The following CUBN variants were observed in gnomAD, a reference collection of about 807,000 sequenced individuals.
The protein encoded by CUBN is cubilin.
A neutral mutation model predicts 405.3 loss-of-function variants in CUBN; 282 were observed. The ratio of observed to expected loss-of-function variants is 0.70; its 90% confidence interval spans 0.63 to 0.77. CUBN has a LOEUF of 0.77. Ranked by LOEUF, CUBN falls within the 30% of genes least tolerant of loss-of-function variation. The probability of loss-of-function intolerance (pLI) is 0.00; values close to 1 mark genes in which losing one functional copy is unlikely to be tolerated. For synonymous variants in CUBN, 1,684 were observed against 1,617.0 expected (o/e 1.04, Z -0.99); for missense variants, 4,514 against 4,475.2 (o/e 1.01, Z -0.25).
intron 37 of CUBN, among the ~76,000 whole-genome samples, chr10:16,939,510 G>T (rs1050665218): frequency 4.6e-5 from 7 of 152,094 alleles, no homozygotes; most frequent in African/African-American, 1.7e-4. Flanking sequence ...AAATTTACAA[G>T]AAAAACTGAT....
intron 39 of CUBN, among the ~76,000 whole-genome samples, chr10:16,934,624 T>C (rs1842449918): frequency 1.3e-5 from 2 of 152,204 alleles, no homozygotes; most frequent in South Asian, 4.1e-4. Context: ...TGCCAAATAT[T>C]TCCTTTGTCT....
intron 48 of CUBN, among the ~76,000 whole-genome samples, chr10:16,909,607 G>A (rs1747826924): frequency 6.6e-6 from 1 of 152,236 alleles, no homozygotes; most frequent in Non-Finnish European, 1.5e-5. Flanking sequence ...GTCGGAAACT[G>A]TGATCAATGG....
chr10:17,017,941 G>A (rs1446695456), intron 28 of CUBN, among the ~76,000 whole-genome samples: 3 of 152,130 alleles, frequency 2.0e-5, no homozygotes, highest in Admixed American at 2.0e-4. Flanking sequence ...TGGGTGACAT[G>A]ACTTTGAGAG....
intron 7 of CUBN, among the ~76,000 whole-genome samples, chr10:17,114,991 C>T (rs1023131585): frequency 7.2e-5 from 11 of 152,188 alleles, no homozygotes; most frequent in Non-Finnish European, 1.2e-4. Flanking sequence ...TGCCTGTAAT[C>T]GCAGCGCTTT....
At chr10:16,924,006 G>C (rs1281294777) in intron 43 of CUBN, among the ~76,000 whole-genome samples, 2 of 152,204 alleles carry the variant, frequency 1.3e-5, no homozygotes, top group African/African-American at 4.8e-5. Flanking sequence ...GGGAGGCAGA[G>C]GTTGCAGTAG....
At chr10:16,886,196 G>A (rs188609374) in intron 56 of CUBN, among the ~76,000 whole-genome samples, 54 of 152,246 alleles carry the variant, frequency 3.5e-4, no homozygotes, top group South Asian at 2.9e-3. Context: ...AAACACATGT[G>A]CTGAAAATTA....
chr10:16,890,063 A>T (rs1840957185), intron 55 of CUBN, among the ~76,000 whole-genome samples: 1 of 152,122 alleles, frequency 6.6e-6, no homozygotes, highest in Non-Finnish European at 1.5e-5. Context: ...AAGGTGCCAC[A>T]GGCCAGCCAC....
chr10:17,093,485 G>A (rs1234095346), intron 14 of CUBN, among the ~76,000 whole-genome samples: 2 of 152,094 alleles, frequency 1.3e-5, no homozygotes, highest in Non-Finnish European at 2.9e-5. Context: ...CAGGATTCAT[G>A]GAAAATTTGA....
intron 22 of CUBN, among the ~76,000 whole-genome samples, chr10:17,049,505 G>C (rs1481354932): frequency 6.6e-6 from 1 of 152,030 alleles, no homozygotes; most frequent in African/African-American, 2.4e-5. Flanking sequence ...TGACATTTTG[G>C]GGCAATAATG....
At chr10:17,128,138 C>A (rs986620073) in intron 2 of CUBN, among the ~76,000 whole-genome samples, 2 of 152,186 alleles carry the variant, frequency 1.3e-5, no homozygotes, top group African/African-American at 4.8e-5. Flanking sequence ...AACAATAGAT[C>A]AAGGTATTTT....
chr10:17,057,865 G>A (rs1019407219), intron 22 of CUBN, among the ~76,000 whole-genome samples: 1 of 152,126 alleles, frequency 6.6e-6, no homozygotes, highest in Non-Finnish European at 1.5e-5. Flanking sequence ...GCTCACGCCT[G>A]TAATCCCAGC....
intron 51 of CUBN, among the ~76,000 whole-genome samples, chr10:16,902,701 C>G (rs1841429852): frequency 6.6e-6 from 1 of 152,040 alleles, no homozygotes; most frequent in South Asian, 2.1e-4. Flanking sequence ...ATAGCAAACT[C>G]AATGGAAAGA....
At chr10:16,948,326 C>T (rs907546535) in intron 35 of CUBN, 152 bp downstream of exon 35, 5 of 944,902 alleles carry the variant, frequency 5.3e-6, no homozygotes, top group South Asian at 2.9e-5. Flanking sequence ...ATTGACAACA[C>T]GATCACTTAA....
intron 15 of CUBN, among the ~76,000 whole-genome samples, chr10:17,086,814 G>T (rs56313697): frequency 3.3e-5 from 5 of 152,148 alleles, no homozygotes; most frequent in Non-Finnish European, 7.3e-5. Context: ...AAATACTGTA[G>T]TTTAAAGAGA....
chr10:17,026,497 G>A (rs1834666641), intron 27 of CUBN, among the ~76,000 whole-genome samples: 1 of 152,086 alleles, frequency 6.6e-6, no homozygotes, highest in Non-Finnish European at 1.5e-5. Context: ...GCCGGGTGTG[G>A]TGGCGTACGC....
intron 59 of CUBN, among the ~76,000 whole-genome samples, chr10:16,858,320 T>A (rs1321847178): frequency 6.6e-6 from 1 of 152,204 alleles, no homozygotes; most frequent in African/African-American, 2.4e-5. Flanking sequence ...TTTTTATTTT[T>A]ATTTATTTAC....
At chr10:16,846,324 A>G (rs1471282486) in intron 60 of CUBN, among the ~76,000 whole-genome samples, 1 of 152,236 alleles carries the variant, frequency 6.6e-6, no homozygotes, top group Non-Finnish European at 1.5e-5. Flanking sequence ...TACATATAAA[A>G]GGAATCTATT....
chr10:16,938,167 A>G (rs1377916589), intron 38 of CUBN, among the ~76,000 whole-genome samples: 1 of 152,170 alleles, frequency 6.6e-6, no homozygotes, highest in Non-Finnish European at 1.5e-5. Flanking sequence ...AAGGGAAAAT[A>G]ACAAGAAGAG....
Position 17,044,070 on chromosome 10 carries a change from A to T in CUBN, c.3673-87T>A. The T allele has an allele frequency of 5.8e-6, 4 of 691,704 alleles. 1 individual carries two copies. The South Asian group carries it at 7.1e-5, about 12-fold the overall frequency. The allele number at this position is 691,704 out of a possible 1,614,324, so 42.8% of individuals were successfully genotyped here. A position where few individuals can be genotyped will look rare whatever the true frequency, so the allele number is the denominator to read the frequency against. The stretch of plus-strand genomic sequence containing the variant: ...AATCCAGAAGAAGTGAGGAAGAAAA[A>T]ATATATATATTTATTATGTATATAT... On this transcript the variant is annotated intron_variant, in intron 25 of 66. Transcript: ENST00000377833.
Sources: allele counts gnomAD v4.1 joint callset (sites outside exome capture counted in the v4.1 genomes callset), GRCh38; gene constraint gnomAD v4.1.1; transcripts MANE v1.5; gene names NCBI Gene and HGNC (gene_info 2026-07-23, HGNC 2026-07-21).